The following PTGER3 variants were observed in gnomAD, a reference collection of about 807,000 sequenced individuals.
PTGER3 encodes prostaglandin E receptor 3.
PTGER3 carries 22 observed loss-of-function variants against 34.7 expected under a neutral mutation model. That is an observed-to-expected ratio of 0.63 (90% confidence interval 0.45 to 0.91). The LOEUF is 0.91. Among genes scored for constraint, PTGER3 ranks in the 40% least tolerant of loss-of-function variants. The pLI, the probability that PTGER3 is intolerant of heterozygous loss-of-function variation, is 0.00. For synonymous variants in PTGER3, 241 were observed against 230.1 expected (o/e 1.05, Z -0.43); for missense variants, 468 against 519.4 (o/e 0.90, Z 0.96).
intron 1 of PTGER3, among the ~76,000 whole-genome samples, chr1:71,036,883 C>G (rs908396666): frequency 6.6e-6 from 1 of 152,024 alleles, no homozygotes; most frequent in Admixed American, 6.5e-5. Context: ...AGGAGATAAT[C>G]TGAGTACCAC....
intron 2 of PTGER3, 31 bp from the exon 3 acceptor site, chr1:70,974,419 C>G: frequency 1.2e-6 from 1 of 837,342 alleles, no homozygotes; most frequent in Non-Finnish European, 2.1e-6. Flanking sequence ...TCACAGGACA[C>G]TTCCTTGAGT....
At chr1:71,020,697 A>AGTGTGTGTGTGTGTGT (rs112981971) in intron 1 of PTGER3, among the ~76,000 whole-genome samples, 456 of 144,874 alleles carry the variant, frequency 3.1e-3, no homozygotes, top group Non-Finnish European at 3.2e-3. Flanking sequence ...ATGTTAGCAG[A>AGTGTGTGTGTGTGTGT]GTGTGTGTGT....
At chr1:70,933,433 G>T (rs1169359187) in intron 4 of PTGER3, among the ~76,000 whole-genome samples, 1 of 152,122 alleles carries the variant, frequency 6.6e-6, no homozygotes, top group Non-Finnish European at 1.5e-5. Flanking sequence ...AAGTCACTGT[G>T]CTTTGTAAAA....
At chr1:70,968,968 G>A (rs981543221), downstream of PTGER3, among the ~76,000 whole-genome samples, 2 of 151,942 alleles carry the variant, frequency 1.3e-5, 1 homozygote, top group African/African-American at 4.8e-5. Context: ...GCACTTTGGG[G>A]GGTTGAGGCG....
intron 4 of PTGER3, among the ~76,000 whole-genome samples, chr1:70,900,640 G>A (rs1646816082): frequency 6.6e-6 from 1 of 152,150 alleles, no homozygotes; most frequent in African/African-American, 2.4e-5. Flanking sequence ...AAAATGTAAT[G>A]TATGCAGCTT....
At chr1:70,995,117 G>A (rs992958700) in intron 2 of PTGER3, among the ~76,000 whole-genome samples, 1 of 152,136 alleles carries the variant, frequency 6.6e-6, no homozygotes, top group Admixed American at 6.5e-5. Flanking sequence ...TCTGAATCAG[G>A]CATAAGGAAA....
At chr1:70,956,027 C>G (rs1557683726) in intron 2 of PTGER3, among the ~76,000 whole-genome samples, 1 of 152,154 alleles carries the variant, frequency 6.6e-6, no homozygotes, top group Non-Finnish European at 1.5e-5. Context: ...ACAGCCATTA[C>G]AGGTTTGGGC....
At chr1:70,881,921 C>T (rs1320547001) in intron 4 of PTGER3, among the ~76,000 whole-genome samples, 2 of 152,220 alleles carry the variant, frequency 1.3e-5, no homozygotes, top group African/African-American at 4.8e-5. Context: ...AGATGTGGCC[C>T]ATCTTGCTAT....
chr1:70,881,239 G>C (rs749179377), intron 4 of PTGER3, among the ~76,000 whole-genome samples: 1 of 152,164 alleles, frequency 6.6e-6, no homozygotes, highest in Non-Finnish European at 1.5e-5. Context: ...TTCTTAAAGT[G>C]AGTTTTTCAC....
intron 2 of PTGER3, among the ~76,000 whole-genome samples, chr1:70,958,551 T>G (rs1221337695): frequency 6.6e-6 from 1 of 152,210 alleles, no homozygotes; most frequent in Non-Finnish European, 1.5e-5. Flanking sequence ...ATTGAGTTGT[T>G]GAGTTTTTTA....
chr1:71,011,602 T>C (rs1657453220), intron 2 of PTGER3: 2 of 984,864 alleles, frequency 2.0e-6, no homozygotes, highest in Non-Finnish European at 2.4e-6. Context: ...AATTGGTTCT[T>C]ATTCAGATAA....
intron 4 of PTGER3, chr1:70,862,201 T>A (rs780333547): frequency 2.9e-4 from 173 of 605,762 alleles, no homozygotes; most frequent in Non-Finnish European, 3.8e-4. Flanking sequence ...CACCCACTCC[T>A]GAATTTATGA....
At chr1:70,901,275 A>G (rs1361773816) in intron 4 of PTGER3, among the ~76,000 whole-genome samples, 1 of 152,178 alleles carries the variant, frequency 6.6e-6, no homozygotes, top group African/African-American at 2.4e-5. Flanking sequence ...AGTGGGACTA[A>G]AGGAGCTGTA....
intron 4 of PTGER3, among the ~76,000 whole-genome samples, chr1:70,900,219 C>G (rs1292328407): frequency 2.0e-5 from 3 of 152,106 alleles, no homozygotes; most frequent in Admixed American, 2.0e-4. Flanking sequence ...TTAAAGACGA[C>G]TGCCCCTATT....
chr1:70,950,059 G>C (rs1015740549), downstream of PTGER3, among the ~76,000 whole-genome samples: 2 of 152,168 alleles, frequency 1.3e-5, no homozygotes, highest in African/African-American at 4.8e-5. Context: ...AGGAGTGAAG[G>C]AAGACACGAA....
At chr1:70,891,215 G>T (rs1382943812) in intron 4 of PTGER3, among the ~76,000 whole-genome samples, 1 of 152,200 alleles carries the variant, frequency 6.6e-6, no homozygotes, top group African/African-American at 2.4e-5. Context: ...GCTTCCAGCA[G>T]CAGGGACTAT....
In PTGER3 at chr1:71,047,355, G is replaced by A. The variant is rs1186877444; in HGVS notation, c.223C>T (p.Arg75Cys). 1.2e-6 allele frequency: 2 copies of A among 1,609,536 alleles called. No homozygotes were observed. The highest frequency in any genetic ancestry group is 1.7e-6 in the Non-Finnish European group (2 of 1,178,702). Residue 75 changes from arginine (R) to cysteine (C), a missense_variant, in exon 1 of 4, where the codon CGC (arginine) becomes TGC (cysteine). Coordinates refer to ENST00000306666, the MANE Select transcript of PTGER3 (RefSeq NM_198719.2). ...GNALAMLLVS[R>C]SYRRRESKRK... The stretch of plus-strand genomic sequence containing the variant: ...TTGCTCTCCCGGCGCCGGTAGCTGC[G>A]CGACACGAGCAGCATGGCCAGTGCG...
intron 2 of PTGER3, among the ~76,000 whole-genome samples, chr1:70,995,327 T>C (rs531234563): frequency 7.9e-5 from 12 of 152,334 alleles, no homozygotes; most frequent in Non-Finnish European, 1.6e-4. Context: ...ATTGGTTTAC[T>C]GAGAGCTTTG....
chr1:70,940,365 C>G (rs1469096627), intron 4 of PTGER3, among the ~76,000 whole-genome samples: 4 of 152,340 alleles, frequency 2.6e-5, no homozygotes, highest in Non-Finnish European at 4.4e-5. Flanking sequence ...CCAAACTGTT[C>G]CAATCTCCGC....
Sources: allele counts gnomAD v4.1 joint callset (sites outside exome capture counted in the v4.1 genomes callset), GRCh38; gene constraint gnomAD v4.1.1; transcripts MANE v1.5; gene names NCBI Gene and HGNC (gene_info 2026-07-23, HGNC 2026-07-21).